The following LRFN2 variants were observed in gnomAD, a reference collection of about 807,000 sequenced individuals.
The protein encoded by LRFN2 is leucine-rich repeat and fibronectin type-III domain-containing protein 2.
LRFN2 carries 18 observed loss-of-function variants against 37.3 expected under a neutral mutation model. That is an observed-to-expected ratio of 0.48 (90% confidence interval 0.33 to 0.72). The LOEUF is 0.72. LRFN2 is among the 30% of genes least tolerant of loss of function. LRFN2 has a pLI of 0.02. For synonymous variants in LRFN2, 556 were observed against 466.6 expected, an observed-to-expected ratio of 1.19 and a Z score of -2.47; for missense variants, 1,006 against 1,060.7, an observed-to-expected ratio of 0.95 and a Z score of 0.72.
intron 1 of LRFN2, among the ~76,000 whole-genome samples, chr6:40,548,584 A>G (rs1766707894): frequency 6.6e-6 from 1 of 152,202 alleles, no homozygotes; most frequent in Admixed American, 6.5e-5. Context: ...TATTATCCCA[A>G]AAGCTCTAAT....
chr6:40,501,280 T>G (rs1765375065), intron 1 of LRFN2, among the ~76,000 whole-genome samples: 1 of 152,054 alleles, frequency 6.6e-6, no homozygotes. Context: ...ACGGGTAATC[T>G]TTTTACCCTT....
In LRFN2 at chr6:40,392,044, G is replaced by A. The variant is rs1455597863; in HGVS notation, c.2269C>T (p.Leu757Phe). The A allele has an allele frequency of 6.2e-7, 1 of 1,614,028 alleles. No homozygotes were observed. Among genetic ancestry groups the A allele is most frequent in the East Asian group, 2.2e-5 (1 of 44,872 alleles). The change falls in exon 3 of 3, where the codon CTC (leucine) becomes TTC (phenylalanine). Residue 757 changes from leucine (L) to phenylalanine (F), a missense_variant. Leu to Phe is a conservative substitution (Grantham distance 22). Around this residue, in one of 4 missense-constraint regions of LRFN2, gnomAD observed 398 missense variants for 327.6 expected, o/e 1.21. Coordinates refer to ENST00000338305, the MANE Select transcript of LRFN2 (RefSeq NM_020737.3). This position sits in a 1 kb window ranked among gnomAD's most constrained non-coding sequence, Gnocchi z 4.7. ...KVSNIWTKRS[L>F]SVNGMLLPFE... The stretch of plus-strand genomic sequence containing the variant: ...GGCAAGAGCATGCCGTTGACAGAGA[G>A]GCTGCGCTTCGTCCAGATGTTCGAG...
chr6:40,414,017 C>T (rs868262792), intron 2 of LRFN2, among the ~76,000 whole-genome samples: 3 of 152,174 alleles, frequency 2.0e-5, no homozygotes, highest in Non-Finnish European at 2.9e-5. Context: ...GACTCCAAGA[C>T]GCTCGTCTCA....
chr6:40,444,135 A>C (rs565924731), intron 1 of LRFN2, among the ~76,000 whole-genome samples: 1 of 152,320 alleles, frequency 6.6e-6, no homozygotes, highest in East Asian at 1.9e-4. Flanking sequence ...AGGGCAGTTA[A>C]AGGTGGAGAG....
intron 1 of LRFN2, among the ~76,000 whole-genome samples, chr6:40,540,037 G>C (rs891297405): frequency 1.3e-5 from 2 of 152,176 alleles, no homozygotes; most frequent in Admixed American, 6.5e-5. Flanking sequence ...TTGGGAGTCG[G>C]AGTCACAGCC....
At chr6:40,554,517 C>T (rs1285881076) in intron 1 of LRFN2, among the ~76,000 whole-genome samples, 1 of 152,148 alleles carries the variant, frequency 6.6e-6, no homozygotes, top group East Asian at 1.9e-4. Flanking sequence ...TGACAGGGAA[C>T]AGAAAGGTGC....
At chr6:40,424,256 C>T (rs72862361) in intron 2 of LRFN2, among the ~76,000 whole-genome samples, 21 of 152,280 alleles carry the variant, frequency 1.4e-4, no homozygotes, top group Non-Finnish European at 2.1e-4. Context: ...GACTGAGTCT[C>T]GACTAAAGCT....
Position 40,392,125 on chromosome 6 carries a change from C to A in LRFN2, c.2188G>T (p.Ala730Ser). Residue 730 changes from alanine (A) to serine (S), a missense_variant, in exon 3 of 3, where the codon GCT (alanine) becomes TCT (serine). Around this residue, in one of 4 missense-constraint regions of LRFN2, gnomAD observed 398 missense variants for 327.6 expected, o/e 1.21. Coordinates refer to ENST00000338305, the MANE Select transcript of LRFN2 (RefSeq NM_020737.3). This position sits in a 1 kb window ranked among gnomAD's most constrained non-coding sequence, Gnocchi z 4.7. Reference protein sequence around the residue: ...RSHSFDMGDFAAAAAGGVVPG... With the variant: ...RSHSFDMGDFSAAAAGGVVPG... ...ACGACCCCTCCCGCCGCCGCAGCAG[C>A]AAAGTCCCCCATGTCGAAGGAGTGG... The A allele has an allele frequency of 6.2e-7, 1 of 1,612,722 alleles. No homozygotes were observed. Among genetic ancestry groups the A allele is most frequent in the East Asian group, 2.2e-5 (1 of 44,860 alleles).
chr6:40,510,700 A>AGAGGAAACGAAAGCAGGGCC (rs1283429457), intron 1 of LRFN2, among the ~76,000 whole-genome samples: 2 of 152,232 alleles, frequency 1.3e-5, no homozygotes, highest in African/African-American at 4.8e-5. Context: ...ACAACATGCC[A>AGAGGAAACGAAAGCAGGGCC]GAGGAAACGA....
At chr6:40,557,075 C>T (rs889641448) in intron 1 of LRFN2, among the ~76,000 whole-genome samples, 4 of 152,188 alleles carry the variant, frequency 2.6e-5, no homozygotes, top group African/African-American at 7.2e-5. Flanking sequence ...GTGTGCCTTA[C>T]AGCCTCTCTG....
chr6:40,578,263 T>C (rs1177415700), intron 1 of LRFN2, among the ~76,000 whole-genome samples: 1 of 152,170 alleles, frequency 6.6e-6, no homozygotes, highest in Non-Finnish European at 1.5e-5. Context: ...CCCACCGTGG[T>C]TTATTTTCCC....
chr6:40,571,968 AGG>A (rs1018743852), intron 1 of LRFN2, among the ~76,000 whole-genome samples: 9 of 152,222 alleles, frequency 5.9e-5, no homozygotes, highest in African/African-American at 2.2e-4. Flanking sequence ...CCCAGAGCAC[AGG>A]GTCTCCAAAA....
At chr6:40,497,941 G>A (rs1309168418) in intron 1 of LRFN2, among the ~76,000 whole-genome samples, 1 of 152,272 alleles carries the variant, frequency 6.6e-6, no homozygotes, top group South Asian at 2.1e-4. Flanking sequence ...TTTACTCTTG[G>A]GGAACAGCCC....
chr6:40,472,561 C>T (rs1355078891), intron 1 of LRFN2, among the ~76,000 whole-genome samples: 1 of 152,196 alleles, frequency 6.6e-6, no homozygotes, highest in African/African-American at 2.4e-5. Flanking sequence ...CCCTCGCCAC[C>T]TGCTAGCATT....
intron 1 of LRFN2, among the ~76,000 whole-genome samples, chr6:40,465,938 G>A (rs1231726221): frequency 1.3e-5 from 2 of 152,138 alleles, no homozygotes; most frequent in African/African-American, 2.4e-5. Context: ...GGGTGGAGAC[G>A]GTAACTGGTA....
chr6:40,484,661 C>T (rs1764911831), intron 1 of LRFN2, among the ~76,000 whole-genome samples: 1 of 152,226 alleles, frequency 6.6e-6, no homozygotes. Context: ...TCCTCAGGAA[C>T]TAGATATCAG....
intron 2 of LRFN2, among the ~76,000 whole-genome samples, chr6:40,409,089 G>T (rs1244420000): frequency 1.3e-5 from 2 of 152,160 alleles, no homozygotes; most frequent in African/African-American, 4.8e-5. Context: ...CCAGGATTAG[G>T]TTTTAACCTA....
intron 1 of LRFN2, among the ~76,000 whole-genome samples, chr6:40,567,099 A>C (rs1168400912): frequency 6.6e-6 from 1 of 152,026 alleles, no homozygotes; most frequent in Non-Finnish European, 1.5e-5. Context: ...AGGAGAAGAC[A>C]CTTGATCAAG....
chr6:40,498,660 C>T (rs899172051), intron 1 of LRFN2, among the ~76,000 whole-genome samples: 4 of 152,190 alleles, frequency 2.6e-5, no homozygotes, highest in East Asian at 3.9e-4. Flanking sequence ...GCCCACTCTG[C>T]GACACCCACA....
Sources: allele counts gnomAD v4.1 joint callset (sites outside exome capture counted in the v4.1 genomes callset), GRCh38; gene constraint gnomAD v4.1.1; regional missense constraint gnomAD v4.1.1; non-coding constraint Gnocchi (gnomAD v3.1); transcripts MANE v1.5; gene names NCBI Gene and HGNC (gene_info 2026-07-23, HGNC 2026-07-21).